CCDC6: variants seen among roughly 807,000 people sequenced by gnomAD.
The protein encoded by CCDC6 is coiled-coil domain containing 6, also known as coiled-coil domain-containing protein 6.
CCDC6 carries 20 observed loss-of-function variants against 56.6 expected under a neutral mutation model. That is an observed-to-expected ratio of 0.35 (90% confidence interval 0.25 to 0.51). The LOEUF is 0.51. CCDC6 is among the 20% of genes least tolerant of loss of function. The probability of loss-of-function intolerance (pLI) is 0.95; values close to 1 mark genes in which losing one functional copy is unlikely to be tolerated. For missense variants in CCDC6, 367 were observed against 601.1 expected (o/e 0.61, Z 4.07); for synonymous variants, 241 against 234.4 (o/e 1.03, Z -0.26).
At chr10:59,881,717 G>A (rs1178958479) in intron 1 of CCDC6, among the ~76,000 whole-genome samples, 3 of 152,154 alleles carry the variant, frequency 2.0e-5, no homozygotes, top group Non-Finnish European at 4.4e-5. Context: ...GAACATCCTG[G>A]CTGCCTAAGC....
chr10:59,867,984 A>G (rs1475526745), intron 1 of CCDC6, among the ~76,000 whole-genome samples: 2 of 152,220 alleles, frequency 1.3e-5, no homozygotes, highest in Non-Finnish European at 2.9e-5. Context: ...ATGTTTCCCT[A>G]AAGTGTACCA....
chr10:59,895,845 C>T (rs532023841), intron 1 of CCDC6, among the ~76,000 whole-genome samples: 46 of 152,228 alleles, frequency 3.0e-4, no homozygotes, highest in African/African-American at 1.1e-3. Flanking sequence ...TCAGCCTGAG[C>T]GCTTTAGGCC....
intron 3 of CCDC6, among the ~76,000 whole-genome samples, chr10:59,815,078 G>A (rs762859247): frequency 2.4e-4 from 36 of 152,084 alleles, no homozygotes; most frequent in Non-Finnish European, 4.6e-4. Flanking sequence ...GGACTTTTCT[G>A]GGCTTGTCCC....
intron 1 of CCDC6, among the ~76,000 whole-genome samples, chr10:59,905,476 G>T (rs2071536140): frequency 6.6e-6 from 1 of 152,094 alleles, no homozygotes. Context: ...CACTCTCCTC[G>T]CTGTAAACCG....
At chr10:59,899,925 T>C (rs1405317813) in intron 1 of CCDC6, among the ~76,000 whole-genome samples, 1 of 151,874 alleles carries the variant, frequency 6.6e-6, no homozygotes, top group Non-Finnish European at 1.5e-5. Context: ...CATTCACATA[T>C]CTGGTCTGTT....
intron 1 of CCDC6, among the ~76,000 whole-genome samples, chr10:59,899,757 A>C (rs916882221): frequency 6.6e-6 from 1 of 152,210 alleles, no homozygotes; most frequent in Non-Finnish European, 1.5e-5. Context: ...CCCTGCTCAG[A>C]AACACTTAGA....
intron 1 of CCDC6, among the ~76,000 whole-genome samples, chr10:59,882,003 TGGGGAGAAGGAAAGGAAAGCCGCG>T (rs1362780679): frequency 1.0e-3 from 89 of 88,904 alleles, no homozygotes; most frequent in African/African-American, 3.9e-3. Context: ...GAAGGAAAGC[TGGGGAGAAGGAAAGGAAAGCCGCG>T]GGGAGAAGGA....
At chr10:59,827,943 A>T (rs2070802233) in intron 3 of CCDC6, among the ~76,000 whole-genome samples, 1 of 152,152 alleles carries the variant, frequency 6.6e-6, no homozygotes, top group African/African-American at 2.4e-5. Context: ...AAACCCACGT[A>T]CCGTATGCCA....
At position 59,792,278 on chromosome 10, in the gene CCDC6, T is replaced by C; in HGVS notation, c.*639A>G. On this transcript the variant is annotated 3_prime_UTR_variant, in exon 9 of 9. Coordinates refer to ENST00000263102, the MANE Select transcript of CCDC6 (RefSeq NM_005436.5). Reference sequence around the variant, plus strand: ...TTTATGTGGAGAAGGTACAGCCACATGATTCATTACTTTGGGCCATCTGTT... The same window carrying C: ...TTTATGTGGAGAAGGTACAGCCACACGATTCATTACTTTGGGCCATCTGTT... 3.0e-6 allele frequency: 1 copy of C among 331,332 alleles called. No individual in the cohort carries two copies. The highest frequency in any genetic ancestry group is 5.6e-6 in the Non-Finnish European group (1 of 177,038). The allele number at this position is 331,332 out of a possible 1,614,324, so 20.5% of individuals were successfully genotyped here.
At chr10:59,827,819 A>G (rs1564743138) in intron 3 of CCDC6, among the ~76,000 whole-genome samples, 1 of 152,222 alleles carries the variant, frequency 6.6e-6, no homozygotes, top group Non-Finnish European at 1.5e-5. Flanking sequence ...GGTCTGGTAC[A>G]TGGTAGGCAA....
chr10:59,809,147 G>T (rs1055993006), intron 5 of CCDC6, among the ~76,000 whole-genome samples: 2 of 152,102 alleles, frequency 1.3e-5, no homozygotes, highest in African/African-American at 4.8e-5. Flanking sequence ...TGACCCCTTG[G>T]AGTATTTGCT....
chr10:59,861,607 T>G (rs1589052877), intron 1 of CCDC6, among the ~76,000 whole-genome samples: 1 of 152,068 alleles, frequency 6.6e-6, no homozygotes. Flanking sequence ...CATAAACATA[T>G]GGGAAATTTC....
intron 6 of CCDC6, among the ~76,000 whole-genome samples, chr10:59,805,828 T>G (rs984733350): frequency 3.9e-5 from 6 of 152,228 alleles, no homozygotes; most frequent in Non-Finnish European, 1.5e-5. Context: ...ATAGATAATC[T>G]TAAATTTTTA....
chr10:59,876,952 C>T (rs766478476), intron 1 of CCDC6, among the ~76,000 whole-genome samples: 28 of 152,114 alleles, frequency 1.8e-4, no homozygotes, highest in Non-Finnish European at 4.0e-4. Flanking sequence ...TACTACACAC[C>T]TAGGCTATGT....
At chr10:59,875,619 A>G (rs2071272017) in intron 1 of CCDC6, among the ~76,000 whole-genome samples, 1 of 152,200 alleles carries the variant, frequency 6.6e-6, no homozygotes, top group Non-Finnish European at 1.5e-5. Context: ...GTACCTCCTA[A>G]GGAACCAAAA....
intron 1 of CCDC6, among the ~76,000 whole-genome samples, chr10:59,896,660 G>A (rs901006432): frequency 1.3e-5 from 2 of 151,954 alleles, no homozygotes; most frequent in Non-Finnish European, 2.9e-5. Flanking sequence ...AGGAATAGAG[G>A]TTTACCAGGG....
chr10:59,877,612 A>C (rs2071295519), intron 1 of CCDC6, among the ~76,000 whole-genome samples: 1 of 152,216 alleles, frequency 6.6e-6, no homozygotes. Flanking sequence ...GTGGAGCAAG[A>C]GAGACAGTGG....
chr10:59,905,456 G>A (rs1215298216), intron 1 of CCDC6, among the ~76,000 whole-genome samples: 1 of 152,176 alleles, frequency 6.6e-6, no homozygotes, highest in Non-Finnish European at 1.5e-5. Flanking sequence ...CTGTCCAGGC[G>A]TGGATGCTGC....
intron 1 of CCDC6, among the ~76,000 whole-genome samples, chr10:59,900,183 T>G (rs935734820): frequency 2.0e-5 from 3 of 151,544 alleles, no homozygotes; most frequent in Non-Finnish European, 2.9e-5. Context: ...ATCTCGATAG[T>G]CGAGTGTCAG....
Sources: gnomAD v4.1 joint callset for allele counts (sites outside exome capture counted in the v4.1 genomes callset) on GRCh38, gnomAD v4.1.1 for gene constraint, MANE v1.5 for transcripts, NCBI Gene and HGNC (gene_info 2026-07-23, HGNC 2026-07-21) for gene names.